GRIK2: variants seen among roughly 807,000 people sequenced by gnomAD.
GRIK2 encodes the protein glutamate ionotropic receptor kainate type subunit 2.
Under a neutral mutation model 100.3 loss-of-function variants are expected in GRIK2, and 32 were observed. The ratio of observed to expected loss-of-function variants is 0.32; its 90% CI spans 0.24 to 0.43. The LOEUF (loss-of-function observed/expected upper bound fraction) is 0.43. GRIK2 is among the 20% of genes least tolerant of loss of function. The probability of loss-of-function intolerance (pLI) is 1.00; values close to 1 mark genes in which losing one functional copy is unlikely to be tolerated. For missense variants in GRIK2, 843 were observed against 1,114.9 expected (o/e 0.76, Z 3.47); for synonymous variants, 417 against 389.4 (o/e 1.07, Z -0.83).
chr6:101,415,365 C>CTTTTTTTTTTTTTTTTTTTT (rs55751504), intron 2 of GRIK2, among the ~76,000 whole-genome samples: 1 of 100,740 alleles, frequency 9.9e-6, no homozygotes, highest in African/African-American at 4.2e-5. Context: ...TTTTCCATAA[C>CTTTTTTTTTTTTTTTTTTTT]TTTTTTTTTT....
chr6:101,834,628 A>G lies in GRIK2; in HGVS notation c.1317+16145A>G, dbSNP rs150073169. ...GGATTTCAGATAACAGTTATTTAAT[A>G]ATTCATTTAAATAATACACTTTAAA... On this transcript the variant is annotated intron_variant, in intron 10 of 16. Coordinates refer to ENST00000369134, the MANE Select transcript of GRIK2 (RefSeq NM_021956.5). Among the ~76,000 whole-genome samples, 6 of 152,324 alleles carry G rather than the reference A, an allele frequency of 3.9e-5. No individual in the cohort carries two copies. In the East Asian group the frequency reaches 1.2e-3, roughly 29 times the overall value.
At chr6:101,754,125 T>C (rs1345625695) in intron 7 of GRIK2, among the ~76,000 whole-genome samples, 1 of 152,102 alleles carries the variant, frequency 6.6e-6, no homozygotes, top group Non-Finnish European at 1.5e-5. Flanking sequence ...AAGTATATAG[T>C]ATTGATTACA....
chr6:101,722,514 G>T (rs1041995483), intron 7 of GRIK2, among the ~76,000 whole-genome samples: 1 of 151,946 alleles, frequency 6.6e-6, no homozygotes, highest in African/African-American at 2.4e-5. Flanking sequence ...AAATAGATCT[G>T]ATAACAACTC....
intron 2 of GRIK2, among the ~76,000 whole-genome samples, chr6:101,596,428 G>A (rs1778935016): frequency 6.6e-6 from 1 of 151,260 alleles, no homozygotes; most frequent in African/African-American, 2.4e-5. Flanking sequence ...CATCTAATTT[G>A]TGTTATCCTG....
intron 7 of GRIK2, among the ~76,000 whole-genome samples, chr6:101,788,649 T>C (rs1453490687): frequency 6.6e-6 from 1 of 152,208 alleles, no homozygotes; most frequent in African/African-American, 2.4e-5. Flanking sequence ...TTTGCTATTG[T>C]GAATAGTGCT....
chr6:101,760,171 C>T (rs888589872), intron 7 of GRIK2, among the ~76,000 whole-genome samples: 2 of 148,906 alleles, frequency 1.3e-5, no homozygotes, highest in Non-Finnish European at 3.0e-5. Flanking sequence ...GCCCGGCCAG[C>T]ATTTTATTTT....
intron 2 of GRIK2, among the ~76,000 whole-genome samples, chr6:101,435,027 A>G (rs775520602): frequency 6.6e-6 from 1 of 152,090 alleles, no homozygotes; most frequent in African/African-American, 2.4e-5. Context: ...AAAATAATAG[A>G]TCACATAGTC....
chr6:101,631,904 G>C (rs1258800756), intron 4 of GRIK2, among the ~76,000 whole-genome samples: 1 of 151,796 alleles, frequency 6.6e-6, no homozygotes, highest in African/African-American at 2.4e-5. Flanking sequence ...ATTCCTCTAA[G>C]GCATTTTTAA....
At chr6:101,450,571 A>G (rs1243005030) in intron 2 of GRIK2, among the ~76,000 whole-genome samples, 1 of 151,668 alleles carries the variant, frequency 6.6e-6, no homozygotes, top group African/African-American at 2.4e-5. Flanking sequence ...GATGTACACC[A>G]GAGAACATGT....
In GRIK2 at chr6:101,721,095, TTAA is replaced by T. The variant is rs555866644; in HGVS notation, c.951+34747_951+34749del. Among the ~76,000 whole-genome samples, 11 of 152,218 alleles carry T rather than the reference TTAA, an allele frequency of 7.2e-5. No individual in the cohort carries two copies. In the South Asian group the frequency reaches 2.3e-3, roughly 32 times the overall value. ...ATTTGTTTTTTAGAATGATAAATTT[TTAA>T]TAATTTTTACAATTCCTTTAATCAG... On this transcript the variant is annotated intron_variant, in intron 7 of 16. Coordinates refer to ENST00000369134, the MANE Select transcript of GRIK2 (RefSeq NM_021956.5).
chr6:101,418,884 C>T (rs1478586093), intron 2 of GRIK2, among the ~76,000 whole-genome samples: 1 of 152,096 alleles, frequency 6.6e-6, no homozygotes, highest in African/African-American at 2.4e-5. Context: ...TTGAAAGCCC[C>T]AGTAGCAGGG....
chr6:101,819,856 T>TCAACAA (rs1231246241), intron 10 of GRIK2, among the ~76,000 whole-genome samples: 4 of 152,092 alleles, frequency 2.6e-5, no homozygotes, highest in African/African-American at 7.2e-5. Flanking sequence ...AAGGACAACA[T>TCAACAA]CAACAACAAC....
chr6:101,852,019 T>C (rs1367329902), intron 10 of GRIK2, among the ~76,000 whole-genome samples: 1 of 151,436 alleles, frequency 6.6e-6, no homozygotes, highest in Admixed American at 6.6e-5. Context: ...AGATATAATA[T>C]TACTGACCTC....
At position 101,838,012 on chromosome 6, in the gene GRIK2, A is replaced by G. The variant is rs572726227; in HGVS notation, c.1317+19529A>G. Among the ~76,000 whole-genome samples the G allele has an allele frequency of 2.1e-3, 319 of 152,278 alleles. 3 individuals are homozygous for G. Among genetic ancestry groups the G allele is most frequent in the African/African-American group, 7.0e-3 (292 of 41,566 alleles). On this transcript the variant is annotated intron_variant, in intron 10 of 16. Coordinates refer to ENST00000369134, the MANE Select transcript of GRIK2 (RefSeq NM_021956.5). Reference sequence around the variant, plus strand: ...TTCCCCTTCTCCCCCAAAGCACGTCATAAGACTCTCATCTGAGAGGTACCC... The same window carrying G: ...TTCCCCTTCTCCCCCAAAGCACGTCGTAAGACTCTCATCTGAGAGGTACCC...
intron 4 of GRIK2, among the ~76,000 whole-genome samples, chr6:101,639,653 T>C (rs1414860833): frequency 1.3e-5 from 2 of 152,130 alleles, no homozygotes; most frequent in African/African-American, 4.8e-5. Context: ...TTCTGGGACC[T>C]AATATTTGCT....
chr6:101,408,360 G>A (rs2128237311), intron 2 of GRIK2, among the ~76,000 whole-genome samples: 1 of 149,386 alleles, frequency 6.7e-6, no homozygotes, highest in East Asian at 2.0e-4. Context: ...ATACACACAT[G>A]CAGCAGGGAG....
chr6:101,631,475 T>C (rs1210836511), intron 4 of GRIK2, among the ~76,000 whole-genome samples: 3 of 152,114 alleles, frequency 2.0e-5, no homozygotes, highest in Non-Finnish European at 4.4e-5. Flanking sequence ...AGAAATGAGC[T>C]ATAATGCACT....
chr6:101,655,572 G>A (rs905643809), intron 4 of GRIK2, among the ~76,000 whole-genome samples: 11 of 152,160 alleles, frequency 7.2e-5, no homozygotes, highest in Non-Finnish European at 1.6e-4. Context: ...GTAGTAAGTT[G>A]TCATAAATAT....
intron 2 of GRIK2, among the ~76,000 whole-genome samples, chr6:101,523,089 A>G (rs1774961271): frequency 6.6e-6 from 1 of 151,846 alleles, no homozygotes; most frequent in Admixed American, 6.6e-5. Flanking sequence ...TAAATTATTA[A>G]TGTATGAATC....
Sources: allele counts gnomAD v4.1 joint callset (sites outside exome capture counted in the v4.1 genomes callset), GRCh38; gene constraint gnomAD v4.1.1; transcripts MANE v1.5; gene names NCBI Gene and HGNC (gene_info 2026-07-23, HGNC 2026-07-21).